LMTK2: variants seen among roughly 807,000 people sequenced by gnomAD.
The protein encoded by LMTK2 is lemur tail kinase 2.
A neutral mutation model predicts 127.5 loss-of-function variants in LMTK2; 37 were observed. That is an observed-to-expected ratio of 0.29 (90% CI 0.22 to 0.38). The LOEUF (loss-of-function observed/expected upper bound fraction) is 0.38, where lower values mean the gene tolerates loss of function less well. Ranked by LOEUF, LMTK2 falls within the 10% of genes least tolerant of loss-of-function variation. The pLI is 1.00. For synonymous variants in LMTK2, 819 were observed against 810.1 expected (o/e 1.01, Z -0.19); for missense variants, 1,694 against 1,920.3 (o/e 0.88, Z 2.20).
intron 7 of LMTK2, among the ~76,000 whole-genome samples, chr7:98,177,777 C>CA (rs1797298158): frequency 6.6e-6 from 1 of 152,266 alleles, no homozygotes; most frequent in South Asian, 2.1e-4. Context: ...ACACAGCAGG[C>CA]ACTCAGTAAA....
intron 9 of LMTK2, 146 bp from the exon 10 acceptor site, chr7:98,190,579 TAAA>T: frequency 1.8e-5 from 15 of 818,552 alleles, no homozygotes; most frequent in Non-Finnish European, 2.6e-5. Flanking sequence ...GACTCTGTCT[TAAA>T]ACAACAACAA....
At chr7:98,205,061 G>A (rs1235729920) in intron 13 of LMTK2, among the ~76,000 whole-genome samples, 2 of 152,214 alleles carry the variant, frequency 1.3e-5, no homozygotes, top group Non-Finnish European at 2.9e-5. Context: ...TCACTAGATT[G>A]AAAGATAAAG....
chr7:98,156,655 G>A (rs1264966663), intron 5 of LMTK2, among the ~76,000 whole-genome samples: 1 of 152,174 alleles, frequency 6.6e-6, no homozygotes, highest in African/African-American at 2.4e-5. Context: ...TTATATATTA[G>A]CATTCTCCAG....
intron 1 of LMTK2, among the ~76,000 whole-genome samples, chr7:98,117,144 C>G (rs1342845418): frequency 6.6e-6 from 1 of 152,232 alleles, no homozygotes; most frequent in African/African-American, 2.4e-5. Context: ...GCAGGGTCAA[C>G]ACTTAATGAG....
At chr7:98,126,679 A>G (rs1357105357) in intron 1 of LMTK2, 1 of 152,216 alleles carries the variant, frequency 6.6e-6, no homozygotes, top group Admixed American at 6.5e-5. Context: ...ATGGGAATGA[A>G]ATGGCACTTT....
In LMTK2 at chr7:98,193,604, G is replaced by C. The variant is rs371543061; in HGVS notation, c.3139G>C (p.Ala1047Pro). 1 of 1,613,952 alleles carries C rather than the reference G, an allele frequency of 6.2e-7. No individual in the cohort carries two copies. Among genetic ancestry groups the C allele is most frequent in the Non-Finnish European group, 8.5e-7 (1 of 1,180,022 alleles). Residue 1047 changes from alanine to proline, a missense_variant, in exon 11 of 14, where the codon GCT becomes CCT. Transcript: ENST00000297293. The surrounding 1 kb of genome is among the most constrained non-coding windows in gnomAD (Gnocchi z 4.1). The part of the protein sequence containing the change: ...LESPEWTLHP[A>P]PEGTADSEPA... ...GTCTCCCGAGTGGACCTTGCATCCC[G>C]CTCCCGAGGGCACCGCAGACTCAGA...
rs560485724 is a variant in LMTK2 at position 98,110,610 on chromosome 7, G to C, written c.103+3330G>C. Among the ~76,000 whole-genome samples, 3 of 152,290 alleles carry C rather than the reference G, an allele frequency of 2.0e-5. 1 individual carries two copies. Among genetic ancestry groups the C allele is most frequent in the South Asian group, 2.1e-4 (1 of 4,828 alleles). The stretch of plus-strand genomic sequence containing the variant: ...TTCTTCTCTTAGAAAACATGGATGC[G>C]CCTTTTCTAAGATTCTCAGGATTCA... On this transcript the variant is annotated intron_variant, in intron 1 of 13. Transcript: ENST00000297293.
intron 7 of LMTK2, among the ~76,000 whole-genome samples, chr7:98,178,436 T>C (rs1797306018): frequency 6.6e-6 from 1 of 152,164 alleles, no homozygotes; most frequent in African/African-American, 2.4e-5. Flanking sequence ...TGTCGATCGC[T>C]CTGCTCATGC....
intron 6 of LMTK2, among the ~76,000 whole-genome samples, chr7:98,163,898 G>A (rs1156890805): frequency 6.6e-6 from 1 of 152,248 alleles, no homozygotes; most frequent in Admixed American, 6.5e-5. Context: ...TGTGGCCACG[G>A]TGAAGGACCG....
intron 7 of LMTK2, among the ~76,000 whole-genome samples, chr7:98,173,633 A>G (rs1478638380): frequency 6.6e-6 from 1 of 152,238 alleles, no homozygotes; most frequent in Non-Finnish European, 1.5e-5. Flanking sequence ...ATCAGAGTAA[A>G]TAGTATTTTC....
chr7:98,186,539 A>ACTGG (rs1797437628), intron 8 of LMTK2, among the ~76,000 whole-genome samples: 1 of 152,054 alleles, frequency 6.6e-6, no homozygotes, highest in Non-Finnish European at 1.5e-5. Flanking sequence ...TTGCTCCCTA[A>ACTGG]CTGGCTTCAC....
At chr7:98,132,114 A>C (rs1796528123) in intron 1 of LMTK2, among the ~76,000 whole-genome samples, 1 of 152,214 alleles carries the variant, frequency 6.6e-6, no homozygotes, top group Non-Finnish European at 1.5e-5. Context: ...TGCCAAAGAC[A>C]GGACAATGGG....
chr7:98,169,610 G>A (rs1320366595), intron 6 of LMTK2, among the ~76,000 whole-genome samples: 1 of 152,218 alleles, frequency 6.6e-6, no homozygotes, highest in East Asian at 1.9e-4. Flanking sequence ...CATTGGTAAT[G>A]TAGATAGACT....
At chr7:98,150,262 C>T (rs1464638784) in intron 3 of LMTK2, among the ~76,000 whole-genome samples, 4 of 149,710 alleles carry the variant, frequency 2.7e-5, no homozygotes, top group Admixed American at 6.7e-5. Flanking sequence ...GAGCTGAGAT[C>T]GCGCCACTGC....
At chr7:98,186,802 AC>A (rs1797442886) in intron 8 of LMTK2, 74 bp from the exon 9 acceptor site, 2 of 1,333,094 alleles carry the variant, frequency 1.5e-6, no homozygotes, top group Non-Finnish European at 2.1e-6. Context: ...TTCTGAGAAT[AC>A]CATGGATTTA....
chr7:98,159,125 A>G (rs1270292388), intron 5 of LMTK2, among the ~76,000 whole-genome samples: 2 of 152,148 alleles, frequency 1.3e-5, no homozygotes, highest in Non-Finnish European at 2.9e-5. Context: ...TATTCACTTG[A>G]TTGGCTTTGA....
Position 98,208,145 on chromosome 7 carries a change from A to T in LMTK2, c.*2653A>T, listed in dbSNP as rs1797837839. 1 of 151,838 alleles carries T rather than the reference A, an allele frequency of 6.6e-6. No homozygotes were observed. Among genetic ancestry groups the T allele is most frequent in the Non-Finnish European group, 1.5e-5 (1 of 67,970 alleles). 9.4% of individuals were successfully genotyped at this position (151,838 alleles called of 1,614,324 possible). A position where few individuals can be genotyped will look rare whatever the true frequency, so the allele number is the denominator to read the frequency against. On this transcript the variant is annotated 3_prime_UTR_variant, in exon 14 of 14. Transcript: ENST00000297293. ...CAATTTTTTTCATAACATAATTCCC[A>T]TTTTTATTTATTTTGAGTCACTCAT...
At chr7:98,178,881 G>T (rs1797312039) in intron 7 of LMTK2, among the ~76,000 whole-genome samples, 1 of 152,186 alleles carries the variant, frequency 6.6e-6, no homozygotes, top group African/African-American at 2.4e-5. Context: ...AGGAAACTGA[G>T]GCTCCTCTGC....
intron 7 of LMTK2, among the ~76,000 whole-genome samples, chr7:98,184,512 T>G (rs1223592384): frequency 6.6e-6 from 1 of 152,184 alleles, no homozygotes; most frequent in African/African-American, 2.4e-5. Context: ...CTAACATACC[T>G]ATGAGCTGAA....
Sources: allele counts gnomAD v4.1 joint callset (sites outside exome capture counted in the v4.1 genomes callset), GRCh38; gene constraint gnomAD v4.1.1; non-coding constraint Gnocchi (gnomAD v3.1); transcripts MANE v1.5; gene names NCBI Gene and HGNC (gene_info 2026-07-23, HGNC 2026-07-21).